The following DNAH5 variants were observed in gnomAD, a reference collection of about 807,000 sequenced individuals.
The protein encoded by DNAH5 is axonemal beta dynein heavy chain 5.
A neutral mutation model predicts 518.2 loss-of-function variants in DNAH5; 372 were observed. That is an observed-to-expected ratio of 0.72 (90% CI 0.66 to 0.78). The LOEUF is 0.78. DNAH5 is among the 30% of genes least tolerant of loss of function. The probability of loss-of-function intolerance (pLI) is 0.00; values close to 1 mark genes in which losing one functional copy is unlikely to be tolerated. For synonymous variants in DNAH5, 2,039 were observed against 2,025.9 expected (o/e 1.01, Z -0.17); for missense variants, 5,523 against 5,687.0 (o/e 0.97, Z 0.93).
intron 18 of DNAH5, 29 bp from the exon 19 acceptor site, chr5:13,885,257 G>A: frequency 1.9e-6 from 3 of 1,612,766 alleles, no homozygotes; most frequent in Non-Finnish European, 2.5e-6. Flanking sequence ...GATAGAGATA[G>A]AGATAAGTTA....
At chr5:13,817,887 C>CT (rs1242554182) in intron 41 of DNAH5, among the ~76,000 whole-genome samples, 193 bp from the exon 42 acceptor site, 1 of 152,138 alleles carries the variant, frequency 6.6e-6, no homozygotes, top group African/African-American at 2.4e-5. Context: ...GACTAAAGCA[C>CT]TTTTTTATCT....
Position 13,814,856 on chromosome 5 carries a change from C to A in DNAH5, c.6989-10G>T, listed in dbSNP as rs776187946. On this transcript the variant is annotated splice_polypyrimidine_tract_variant and intron_variant, in intron 42 of 78. Transcript: ENST00000265104. ...ATCCAGATATGTTCCCCTAGAATAC[C>A]CCACCAAAGGGAAAAAAAAAATACA... The A allele has an allele frequency of 1.2e-6, 2 of 1,612,914 alleles. No homozygotes were observed. The highest frequency in any genetic ancestry group is 2.2e-5 in the South Asian group (2 of 91,030).
intron 47 of DNAH5, among the ~76,000 whole-genome samples, chr5:13,799,769 C>T (rs1365165665): frequency 2.6e-5 from 4 of 152,006 alleles, no homozygotes; most frequent in Non-Finnish European, 4.4e-5. Context: ...TTTGCATATA[C>T]ATAATGAGAT....
At chr5:14,006,766 G>A (rs952187188) in intron 1 of DNAH5, among the ~76,000 whole-genome samples, 10 of 152,180 alleles carry the variant, frequency 6.6e-5, no homozygotes, top group African/African-American at 2.4e-4. Context: ...CAATGCTGAT[G>A]TCCTTTTACT....
chr5:13,922,142 C>T lies in DNAH5; in HGVS notation c.625G>A (p.Val209Ile), dbSNP rs149833711. 4.3e-5 allele frequency: 69 copies of T among 1,614,110 alleles called. No homozygotes were observed. Among genetic ancestry groups the T allele is most frequent in the East Asian group, 2.5e-4 (11 of 44,856 alleles). ...FLSSLEGFVNVLSGAQESLKE... is the reference protein window; with the variant it reads ...FLSSLEGFVNILSGAQESLKE... ...AGACTCTCCTGTGCACCCGACAGGA[C>T]GTTCACAAAGCCTTCCAGGGAGCTC... Residue 209 changes from valine to isoleucine, a missense_variant, in exon 5 of 79, where the codon GTC becomes ATC. By Grantham distance (29) the Val-to-Ile change is conservative. Transcript: ENST00000265104.
chr5:13,959,414 G>A (rs1039916113), intron 1 of DNAH5, among the ~76,000 whole-genome samples: 1 of 152,220 alleles, frequency 6.6e-6, no homozygotes, highest in Non-Finnish European at 1.5e-5. Context: ...GCCAGGTGGT[G>A]AAGGTTGGGG....
At chr5:13,934,391 T>C (rs1778721968) in intron 1 of DNAH5, among the ~76,000 whole-genome samples, 1 of 152,194 alleles carries the variant, frequency 6.6e-6, no homozygotes. Flanking sequence ...TAACAGATGA[T>C]TGTTTCTGCT....
chr5:13,838,579 C>G (rs139523798), intron 35 of DNAH5, among the ~76,000 whole-genome samples: 1 of 152,170 alleles, frequency 6.6e-6, no homozygotes, highest in Non-Finnish European at 1.5e-5. Context: ...TCTCCCATCA[C>G]CCCCAGATGG....
upstream of DNAH5, among the ~76,000 whole-genome samples, chr5:13,949,403 T>C (rs561849875): frequency 6.6e-6 from 1 of 152,376 alleles, no homozygotes; most frequent in South Asian, 2.1e-4. Flanking sequence ...CATAATCATT[T>C]GAGCTATACT....
intron 47 of DNAH5, among the ~76,000 whole-genome samples, chr5:13,803,760 T>C (rs1759130062): frequency 6.6e-6 from 1 of 152,206 alleles, no homozygotes; most frequent in African/African-American, 2.4e-5. Context: ...AAGATGAGGC[T>C]GGAATGGGCT....
At chr5:13,968,436 T>C (rs1411247682) in intron 1 of DNAH5, among the ~76,000 whole-genome samples, 1 of 152,198 alleles carries the variant, frequency 6.6e-6, no homozygotes, top group Non-Finnish European at 1.5e-5. Flanking sequence ...TTCAGTATAA[T>C]GTTGGCTGTG....
intron 1 of DNAH5, among the ~76,000 whole-genome samples, chr5:13,936,788 G>C (rs1329783960): frequency 6.6e-6 from 1 of 152,144 alleles, no homozygotes; most frequent in Non-Finnish European, 1.5e-5. Context: ...CCCTTATGAA[G>C]CTCTGCCTTG....
intron 5 of DNAH5, 59 bp downstream of exon 5, chr5:13,922,048 A>T: frequency 1.9e-6 from 3 of 1,545,710 alleles, no homozygotes; most frequent in East Asian, 4.5e-5. Context: ...TTACACACTT[A>T]TGTACTGTGC....
Position 13,721,225 on chromosome 5 carries a change from G to A in DNAH5, c.12054C>T (p.Asp4018=). Residue 4018 remains aspartate (D), a synonymous_variant, in exon 71 of 79, where the codon GAC becomes GAT. Coordinates refer to ENST00000265104, the MANE Select transcript of DNAH5 (RefSeq NM_001369.3). ...TIAQARKYIV[D]SMGEKYAEGV... Reference sequence around the variant, plus strand: ...CTTCGGCATATTTTTCTCCCATGGAGTCCACGATGTACTTGCGGGCCTGCC... The same window carrying A: ...CTTCGGCATATTTTTCTCCCATGGAATCCACGATGTACTTGCGGGCCTGCC... 1 of 1,614,112 alleles carries A rather than the reference G, an allele frequency of 6.2e-7. No individual in the cohort carries two copies. Among genetic ancestry groups the A allele is most frequent in the African/African-American group, 1.3e-5 (1 of 75,044 alleles).
At chr5:14,006,377 G>C (rs1344342932) in intron 1 of DNAH5, among the ~76,000 whole-genome samples, 3 of 152,168 alleles carry the variant, frequency 2.0e-5, no homozygotes, top group African/African-American at 7.2e-5. Flanking sequence ...CAGACTTGGT[G>C]CTTAAATACC....
intron 17 of DNAH5, among the ~76,000 whole-genome samples, chr5:13,889,082 G>A (rs1772825360): frequency 6.6e-6 from 1 of 152,170 alleles, no homozygotes; most frequent in East Asian, 1.9e-4. Flanking sequence ...AGTAGAGATC[G>A]CCACTTTATT....
intron 47 of DNAH5, among the ~76,000 whole-genome samples, chr5:13,802,665 G>A (rs572577770): frequency 2.6e-5 from 4 of 152,310 alleles, no homozygotes; most frequent in African/African-American, 9.6e-5. Flanking sequence ...AGGATCATGT[G>A]CAGCTGAGGC....
At chr5:13,858,923 A>G in intron 30 of DNAH5, among the ~76,000 whole-genome samples, 1 of 152,226 alleles carries the variant, frequency 6.6e-6, no homozygotes, top group Admixed American at 6.5e-5. Flanking sequence ...TACTCCATAT[A>G]TACCCAGTAA....
chr5:14,011,564 G>T (rs1785124105), intron 1 of DNAH5, among the ~76,000 whole-genome samples: 1 of 152,142 alleles, frequency 6.6e-6, no homozygotes, highest in African/African-American at 2.4e-5. Context: ...CGCGAGCCAG[G>T]GAACCCCGGG....
Sources: allele counts gnomAD v4.1 joint callset (sites outside exome capture counted in the v4.1 genomes callset), GRCh38; gene constraint gnomAD v4.1.1; transcripts MANE v1.5; gene names NCBI Gene and HGNC (gene_info 2026-07-23, HGNC 2026-07-21).